Variants in CDKAL1 observed in about 807,000 individuals in gnomAD.
The protein encoded by CDKAL1 is CDKAL1 threonylcarbamoyladenosine tRNA methylthiotransferase.
A neutral mutation model predicts 68.2 loss-of-function variants in CDKAL1; 32 were observed. The observed-to-expected ratio is 0.47, with a 90% confidence interval of 0.35 to 0.63. The LOEUF is 0.63. Among genes scored for constraint, CDKAL1 ranks in the 30% least tolerant of loss-of-function variants. The pLI is 0.00. For synonymous variants in CDKAL1, 234 were observed against 244.3 expected (o/e 0.96, Z 0.39); for missense variants, 606 against 696.7 (o/e 0.87, Z 1.47).
At chr6:20,786,707 C>A (rs1415300978) in intron 8 of CDKAL1, among the ~76,000 whole-genome samples, 4 of 151,898 alleles carry the variant, frequency 2.6e-5, no homozygotes, top group African/African-American at 9.7e-5. Context: ...CCGTATTAAC[C>A]AGGATGGTCT....
At chr6:21,226,292 T>TGG (rs1562131352) in intron 15 of CDKAL1, among the ~76,000 whole-genome samples, 10 of 152,282 alleles carry the variant, frequency 6.6e-5, no homozygotes, top group African/African-American at 1.2e-4. Context: ...AAGTTTTTTT[T>TGG]TTTTTTTTTT....
chr6:20,704,133 G>A (rs1406407440), intron 5 of CDKAL1, among the ~76,000 whole-genome samples: 1 of 152,118 alleles, frequency 6.6e-6, no homozygotes, highest in Non-Finnish European at 1.5e-5. Flanking sequence ...GAGCTTATGT[G>A]GGTAGGGAGA....
At chr6:20,544,696 A>T (rs1379258230) in intron 2 of CDKAL1, among the ~76,000 whole-genome samples, 1 of 151,546 alleles carries the variant, frequency 6.6e-6, no homozygotes, top group African/African-American at 2.4e-5. Flanking sequence ...ACATTTCCAT[A>T]TAAAATTTAG....
intron 8 of CDKAL1, among the ~76,000 whole-genome samples, chr6:20,786,784 C>T (rs1457024073): frequency 1.3e-5 from 2 of 152,058 alleles, no homozygotes; most frequent in African/African-American, 2.4e-5. Context: ...GGTGAGCCAC[C>T]GCTCCCGGCC....
At chr6:20,973,014 G>T (rs1321890650) in intron 10 of CDKAL1, among the ~76,000 whole-genome samples, 1 of 151,542 alleles carries the variant, frequency 6.6e-6, no homozygotes, top group Non-Finnish European at 1.5e-5. Context: ...GGAGGCAGAG[G>T]TTGCAGTGAG....
At chr6:20,731,385 A>C (rs927157258) in intron 5 of CDKAL1, among the ~76,000 whole-genome samples, 1 of 152,196 alleles carries the variant, frequency 6.6e-6, no homozygotes, top group Non-Finnish European at 1.5e-5. Context: ...AAGTGGCTTA[A>C]ACCTGGACAT....
chr6:20,878,196 A>G (rs1291349342), intron 9 of CDKAL1, among the ~76,000 whole-genome samples: 1 of 152,168 alleles, frequency 6.6e-6, no homozygotes, highest in Non-Finnish European at 1.5e-5. Context: ...TCTGTATACC[A>G]TTAAGTGTCT....
chr6:20,769,431 G>C, intron 7 of CDKAL1, among the ~76,000 whole-genome samples: 1 of 151,632 alleles, frequency 6.6e-6, no homozygotes, highest in East Asian at 1.9e-4. Flanking sequence ...GCTTATTTTT[G>C]TATTTTTAGT....
At chr6:21,177,691 G>C (rs1777639630) in intron 13 of CDKAL1, among the ~76,000 whole-genome samples, 1 of 149,638 alleles carries the variant, frequency 6.7e-6, no homozygotes, top group South Asian at 2.1e-4. Context: ...GTAGCAAAGA[G>C]ATATATTATC....
At chr6:21,180,364 T>G (rs1777743618) in intron 13 of CDKAL1, among the ~76,000 whole-genome samples, 1 of 148,580 alleles carries the variant, frequency 6.7e-6, no homozygotes. Flanking sequence ...TTTTTTGACC[T>G]TTAAGTTTCA....
intron 5 of CDKAL1, among the ~76,000 whole-genome samples, chr6:20,721,725 G>GTTTTTTTTTTTTTTTTTTTTTTTTT (rs145893325): frequency 4.5e-5 from 3 of 67,380 alleles, no homozygotes; most frequent in African/African-American, 6.0e-5. Context: ...ACCAACTTCT[G>GTTTTTTTTTTTTTTTTTTTTTTTTT]TTTTTTTTTT....
intron 4 of CDKAL1, among the ~76,000 whole-genome samples, chr6:20,644,351 C>G (rs1768333672): frequency 6.6e-6 from 1 of 151,888 alleles, no homozygotes; most frequent in South Asian, 2.1e-4. Context: ...AATAAGATGT[C>G]CTAATACAAA....
intron 8 of CDKAL1, among the ~76,000 whole-genome samples, chr6:20,806,144 A>G (rs771535815): frequency 6.6e-6 from 1 of 152,180 alleles, no homozygotes; most frequent in East Asian, 1.9e-4. Flanking sequence ...CACATCCTCT[A>G]CCCTCAAGTA....
At chr6:20,715,749 G>A (rs1162694263) in intron 5 of CDKAL1, among the ~76,000 whole-genome samples, 1 of 152,150 alleles carries the variant, frequency 6.6e-6, no homozygotes, top group Non-Finnish European at 1.5e-5. Context: ...TAACAGCTAT[G>A]TAGGATATTC....
intron 14 of CDKAL1, among the ~76,000 whole-genome samples, 188 bp downstream of exon 14, chr6:21,198,292 G>A (rs1778548783): frequency 6.6e-6 from 1 of 152,202 alleles, no homozygotes; most frequent in Non-Finnish European, 1.5e-5. Context: ...TCTGTACAAA[G>A]GAATAGGTGT....
intron 8 of CDKAL1, among the ~76,000 whole-genome samples, chr6:20,817,917 G>T (rs928850126): frequency 1.6e-4 from 25 of 152,098 alleles, no homozygotes; most frequent in African/African-American, 5.8e-4. Context: ...ATAATGACAG[G>T]CTGTATTAGC....
intron 9 of CDKAL1, among the ~76,000 whole-genome samples, chr6:20,862,657 GTGTGTGCGCGCGTGCA>G (rs1367868266): frequency 6.6e-6 from 1 of 150,680 alleles, no homozygotes; most frequent in African/African-American, 2.5e-5. Flanking sequence ...GTGTGTGTGT[GTGTGTGCGCGCGTGCA>G]TGCGCGCGTG....
intron 4 of CDKAL1, among the ~76,000 whole-genome samples, chr6:20,643,267 G>A (rs1306646619): frequency 6.6e-6 from 1 of 152,072 alleles, no homozygotes; most frequent in Non-Finnish European, 1.5e-5. Flanking sequence ...TCCTTTTAAG[G>A]CACTGGAGGA....
chr6:21,174,301 G>GT (rs1777498972), intron 13 of CDKAL1, among the ~76,000 whole-genome samples: 1 of 152,134 alleles, frequency 6.6e-6, no homozygotes, highest in Non-Finnish European at 1.5e-5. Flanking sequence ...GATGATGATA[G>GT]TATCAACTGT....
Sources: gnomAD v4.1 joint callset for allele counts (sites outside exome capture counted in the v4.1 genomes callset) on GRCh38, gnomAD v4.1.1 for gene constraint, MANE v1.5 for transcripts, NCBI Gene and HGNC (gene_info 2026-07-23, HGNC 2026-07-21) for gene names.